The following PTER variants were observed in gnomAD, a reference collection of about 807,000 sequenced individuals.
The protein encoded by PTER is phosphotriesterase related, also known as N-acetyltaurine hydrolase.
PTER carries 38 observed loss-of-function variants against 29.6 expected under a neutral mutation model. The observed-to-expected ratio is 1.28, with a 90% CI of 0.99 to 1.68. PTER has a LOEUF of 1.68. PTER is among the 40% of genes most tolerant of loss of function. The probability of loss-of-function intolerance (pLI) is 0.00; values close to 1 mark genes in which losing one functional copy is unlikely to be tolerated. For synonymous variants in PTER, 172 were observed against 154.5 expected (o/e 1.11, Z -0.84); for missense variants, 482 against 427.8 (o/e 1.13, Z -1.12).
intron 1 of PTER, among the ~76,000 whole-genome samples, chr10:16,438,468 T>TG (rs57588343): frequency 0.3 from 41,320 of 136,826 alleles, 6,023 homozygotes; most frequent in Middle Eastern, 0.48. Flanking sequence ...TTCTGTTTTT[T>TG]GTTTTTTTTT....
rs1836868193 is a variant in PTER, at chr10:16,512,951, A to T, written c.*1695A>T. 1 of 152,552 alleles carries T rather than the reference A, an allele frequency of 6.6e-6. No homozygotes were observed. Among genetic ancestry groups the T allele is most frequent in the African/African-American group, 2.4e-5 (1 of 41,452 alleles). The allele number at this position is 152,552 out of a possible 1,614,324, so 9.4% of individuals were successfully genotyped here. A position where few individuals can be genotyped will look rare whatever the true frequency, so the allele number is the denominator to read the frequency against. On this transcript the variant is annotated 3_prime_UTR_variant, in exon 5 of 5. Coordinates refer to ENST00000535784, the MANE Select transcript of PTER (RefSeq NM_001261836.2). ...AGTGTGTTCTAACCAGAAAGAAAGG[A>T]TTTGTATTACTCTCCAAATCTACTG...
At chr10:16,494,440 G>A (rs1836016792) in intron 3 of PTER, among the ~76,000 whole-genome samples, 1 of 152,094 alleles carries the variant, frequency 6.6e-6, no homozygotes, top group Admixed American at 6.6e-5. Context: ...TAAGTGATGG[G>A]GGGAGATGCT....
chr10:16,466,250 T>G (rs948598373), intron 1 of PTER, among the ~76,000 whole-genome samples: 1 of 151,710 alleles, frequency 6.6e-6, no homozygotes, highest in African/African-American at 2.4e-5. Flanking sequence ...AATGGAAAAG[T>G]CTCTGAGCTC....
At chr10:16,510,984 A>T in intron 4 of PTER, 62 bp from the exon 5 acceptor site, 1 of 1,445,026 alleles carries the variant, frequency 6.9e-7, no homozygotes, top group Non-Finnish European at 9.5e-7. Flanking sequence ...AAAAAGTTGA[A>T]AGCATCCTGA....
At chr10:16,516,986 C>A (rs2298126), downstream of PTER, among the ~76,000 whole-genome samples, 51,133 of 152,042 alleles carry the variant, frequency 0.34, 8,681 homozygotes, top group South Asian at 0.46. Flanking sequence ...TCACCTGATC[C>A]TACTCTAAAG....
At chr10:16,500,820 A>G (rs930108578) in intron 3 of PTER, among the ~76,000 whole-genome samples, 3 of 152,114 alleles carry the variant, frequency 2.0e-5, no homozygotes, top group African/African-American at 7.2e-5. Context: ...AGGTCACTGC[A>G]GCCTTGAACT....
chr10:16,446,195 C>A (rs1223998550), intron 1 of PTER, among the ~76,000 whole-genome samples: 1 of 151,214 alleles, frequency 6.6e-6, no homozygotes, highest in Non-Finnish European at 1.5e-5. Flanking sequence ...AATAGAGGTG[C>A]AATGCACGCC....
intron 4 of PTER, among the ~76,000 whole-genome samples, chr10:16,507,000 T>A (rs930237211): frequency 6.6e-5 from 10 of 151,686 alleles, no homozygotes. Flanking sequence ...GTTGTGTGCG[T>A]ACAAGCAGAA....
chr10:16,486,119 CT>C (rs775443948), intron 2 of PTER, among the ~76,000 whole-genome samples: 3 of 152,050 alleles, frequency 2.0e-5, no homozygotes, highest in Non-Finnish European at 2.9e-5. Context: ...CTATAAATTT[CT>C]TGTTAAATAA....
chr10:16,487,842 A>G (rs1448081802), intron 3 of PTER, among the ~76,000 whole-genome samples: 3 of 152,182 alleles, frequency 2.0e-5, no homozygotes, highest in Non-Finnish European at 2.9e-5. Context: ...ATAAATCCTG[A>G]TTATCAGACC....
chr10:16,457,610 G>A (rs570457069), intron 1 of PTER, among the ~76,000 whole-genome samples: 1 of 148,740 alleles, frequency 6.7e-6, no homozygotes, highest in African/African-American at 2.5e-5. Context: ...CTTTGTTTTT[G>A]TTTTTTTGAG....
downstream of PTER, among the ~76,000 whole-genome samples, chr10:16,517,818 G>A (rs145813448): frequency 2.6e-5 from 4 of 152,266 alleles, no homozygotes; most frequent in African/African-American, 4.8e-5. Context: ...TGATGTTCTC[G>A]TAATTTCATT....
intron 4 of PTER, among the ~76,000 whole-genome samples, chr10:16,509,420 C>A (rs970743791): frequency 6.6e-6 from 1 of 152,172 alleles, no homozygotes; most frequent in African/African-American, 2.4e-5. Context: ...CAAGGTCTGA[C>A]AAAGGACATC....
rs545412062 is a variant in PTER, at chr10:16,491,851, A to G, written c.698+5234A>G. On this transcript the variant is annotated intron_variant, in intron 3 of 4. Transcript: ENST00000535784. The stretch of plus-strand genomic sequence containing the variant: ...CATCATTTCAGTATACAAAAATAAA[A>G]TATTACAGTGTGCCCCCAATCACAT... Among the ~76,000 whole-genome samples the G allele has an allele frequency of 7.2e-5, 11 of 152,298 alleles. No homozygotes were observed. The South Asian group carries it at 2.3e-3, about 32-fold the overall frequency.
Position 16,492,562 on chromosome 10 carries a change from C to T in PTER, c.698+5945C>T, listed in dbSNP as rs185944739. The stretch of plus-strand genomic sequence containing the variant: ...AGAGTAGCTGTAGGTATTTTTATGA[C>T]GACAAAATTCTTTACCAATGAAAGC... On this transcript the variant is annotated intron_variant, in intron 3 of 4. Coordinates refer to ENST00000535784, the MANE Select transcript of PTER (RefSeq NM_001261836.2). Among the ~76,000 whole-genome samples, 55 of 152,202 alleles carry T rather than the reference C, an allele frequency of 3.6e-4. No individual in the cohort carries two copies. In the East Asian group the frequency reaches 9.5e-3, roughly 26 times the overall value.
intron 1 of PTER, among the ~76,000 whole-genome samples, chr10:16,452,411 C>G (rs1465347230): frequency 2.0e-5 from 3 of 151,596 alleles, no homozygotes; most frequent in African/African-American, 7.3e-5. Context: ...GTGCTCTTGC[C>G]TCAGCCTCCC....
chr10:16,468,849 C>G (rs1834941616), intron 1 of PTER, among the ~76,000 whole-genome samples: 1 of 151,956 alleles, frequency 6.6e-6, no homozygotes, highest in Non-Finnish European at 1.5e-5. Flanking sequence ...GCAACGTGCA[C>G]TTGTAGTCCC....
intron 3 of PTER, among the ~76,000 whole-genome samples, chr10:16,504,439 T>TA (rs1836482739): frequency 6.6e-6 from 1 of 152,194 alleles, no homozygotes; most frequent in Non-Finnish European, 1.5e-5. Context: ...AGAGCATAAA[T>TA]ATCTGTATGA....
chr10:16,490,273 A>C (rs1204616779), intron 3 of PTER, among the ~76,000 whole-genome samples: 1 of 152,188 alleles, frequency 6.6e-6, no homozygotes, highest in East Asian at 1.9e-4. Flanking sequence ...TACGGTTTCT[A>C]GTGAATGTGT....
Sources: gnomAD v4.1 joint callset for allele counts (sites outside exome capture counted in the v4.1 genomes callset) on GRCh38, gnomAD v4.1.1 for gene constraint, MANE v1.5 for transcripts, NCBI Gene and HGNC (gene_info 2026-07-23, HGNC 2026-07-21) for gene names.